The following MCOLN2 variants were observed in gnomAD, a reference collection of about 807,000 sequenced individuals.
MCOLN2 encodes mucolipin TRP cation channel 2.
A neutral mutation model predicts 67.5 loss-of-function variants in MCOLN2; 57 were observed. The ratio of observed to expected loss-of-function variants is 0.84; its 90% CI spans 0.68 to 1.05. MCOLN2 has a LOEUF of 1.05. MCOLN2 is among the 50% of genes least tolerant of loss of function. The pLI is 0.00. For synonymous variants in MCOLN2, 246 were observed against 233.3 expected, an observed-to-expected ratio of 1.05 and a Z score of -0.50; for missense variants, 620 against 678.8, an observed-to-expected ratio of 0.91 and a Z score of 0.96.
At chr1:84,957,319 C>T (rs1006251039) in intron 3 of MCOLN2, among the ~76,000 whole-genome samples, 3 of 152,132 alleles carry the variant, frequency 2.0e-5, no homozygotes, top group South Asian at 2.1e-4. Flanking sequence ...ATTAGCTTAC[C>T]TCAGCTTACA....
intron 1 of MCOLN2, among the ~76,000 whole-genome samples, chr1:84,992,759 A>AC (rs1553159452): frequency 0.24 from 36,269 of 151,726 alleles, 4,816 homozygotes; most frequent in East Asian, 0.36. Flanking sequence ...GTCTAAAAAA[A>AC]CCACCTTAAT....
chr1:84,926,633 T>G lies in MCOLN2; in HGVS notation c.*52A>C, dbSNP rs948812329. On this transcript the variant is annotated 3_prime_UTR_variant, in exon 14 of 14. Coordinates refer to ENST00000370608, the MANE Select transcript of MCOLN2 (RefSeq NM_153259.4). The stretch of plus-strand genomic sequence containing the variant: ...TTGTCCAAGTCATTTGGGGTTCCTC[T>G]GCTCAGCCGCTGGATAAGGATGCCT... The G allele has an allele frequency of 2.1e-6, 3 of 1,432,984 alleles. No homozygotes were observed. In the African/African-American group the frequency reaches 4.3e-5, roughly 20 times the overall value. 88.8% of individuals were successfully genotyped at this position (1,432,984 alleles called of 1,614,324 possible).
rs995238709 is a variant in MCOLN2 at position 84,937,506 on chromosome 1, C to T, written c.1335+249G>A. On this transcript the variant is annotated intron_variant, in intron 11 of 13. Transcript: ENST00000370608. ...TGATGATCACCGGGTAACCATGTGA[C>T]CCCTTAAGCCAGTCCCAGACAACTA... 3.5e-6 allele frequency: 3 copies of T among 863,210 alleles called. No individual in the cohort carries two copies. In the African/African-American group the frequency reaches 5.3e-5, roughly 15 times the overall value. The allele number at this position is 863,210 out of a possible 1,614,324, so 53.5% of individuals were successfully genotyped here.
chr1:84,968,266 T>G (rs1387243103), intron 1 of MCOLN2, among the ~76,000 whole-genome samples: 1 of 152,182 alleles, frequency 6.6e-6, no homozygotes, highest in Non-Finnish European at 1.5e-5. Flanking sequence ...ATAAGGCTCA[T>G]AAACCTTTGA....
chr1:84,978,929 G>C (rs1418232421), intron 1 of MCOLN2, among the ~76,000 whole-genome samples: 2 of 152,148 alleles, frequency 1.3e-5, no homozygotes, highest in African/African-American at 4.8e-5. Context: ...GCCAGTCCGA[G>C]TTCTAAAACT....
intron 1 of MCOLN2, among the ~76,000 whole-genome samples, chr1:84,983,477 C>T (rs1191887517): frequency 6.6e-6 from 1 of 151,558 alleles, no homozygotes; most frequent in Non-Finnish European, 1.5e-5. Context: ...CCACGTTGCC[C>T]AGACTGGTCT....
At chr1:84,941,911 T>C (rs1416228875) in intron 7 of MCOLN2, among the ~76,000 whole-genome samples, 6 of 152,166 alleles carry the variant, frequency 3.9e-5, no homozygotes, top group African/African-American at 1.4e-4. Flanking sequence ...GGGAAGGAGA[T>C]GAATCTAACC....
intron 7 of MCOLN2, 104 bp downstream of exon 7, chr1:84,946,929 T>G: frequency 1.6e-6 from 1 of 628,864 alleles, no homozygotes; most frequent in Admixed American, 2.6e-5. Context: ...GAGGCGGTTT[T>G]CTTCCTATTA....
At position 84,939,662 on chromosome 1, in the gene MCOLN2, A is replaced by T. The variant is rs772604468; in HGVS notation, c.1001T>A (p.Val334Glu). The T allele has an allele frequency of 6.2e-7, 1 of 1,614,128 alleles. No homozygotes were observed. Among genetic ancestry groups the T allele is most frequent in the East Asian group, 2.2e-5 (1 of 44,880 alleles). The change falls in exon 9 of 14, where the codon GTG (valine) becomes GAG (glutamate). Residue 334 changes from valine (V) to glutamate (E), a missense_variant. Physicochemically the swap from Val to Glu is moderately radical, Grantham distance 121. Coordinates refer to ENST00000370608, the MANE Select transcript of MCOLN2 (RefSeq NM_153259.4). ...NFFLEKYKRP[V>E]CDTDQWEFIN... Reference sequence around the variant, plus strand: ...GAACTCCCACTGGTCGGTGTCACACACAGGCCGCTTGTACTTCTCCAGGAA... The same window carrying T: ...GAACTCCCACTGGTCGGTGTCACACTCAGGCCGCTTGTACTTCTCCAGGAA...
chr1:84,961,005 G>C (rs1649061140), intron 2 of MCOLN2, among the ~76,000 whole-genome samples: 3 of 152,160 alleles, frequency 2.0e-5, no homozygotes, highest in Admixed American at 2.0e-4. Flanking sequence ...ACTGGGCTCT[G>C]CAAGGACAGG....
chr1:84,954,135 G>A (rs1421010234), intron 4 of MCOLN2, among the ~76,000 whole-genome samples: 1 of 152,228 alleles, frequency 6.6e-6, no homozygotes, highest in Non-Finnish European at 1.5e-5. Flanking sequence ...TGCCTAGCAT[G>A]TAGCTGGCAC....
rs756071013 is a variant in MCOLN2, at chr1:84,996,853, C to T, written c.20G>A (p.Arg7His). MARQPY[R>H]FPQARIPERG... ...CTCCGGAATCCTTGCCTGGGGAAAA[C>T]GATAAGGCTGCCGGGCCATGCCTCC... Residue 7 changes from arginine to histidine, a missense_variant, in exon 1 of 14, where the codon CGT becomes CAT. Coordinates refer to ENST00000370608, the MANE Select transcript of MCOLN2 (RefSeq NM_153259.4). The T allele has an allele frequency of 2.5e-6, 4 of 1,614,116 alleles. No individual in the cohort carries two copies. Among genetic ancestry groups the T allele is most frequent in the East Asian group, 2.2e-5 (1 of 44,866 alleles).
chr1:84,963,386 CTG>C (rs969336465), intron 2 of MCOLN2, among the ~76,000 whole-genome samples: 6 of 152,130 alleles, frequency 3.9e-5, no homozygotes, highest in Non-Finnish European at 7.3e-5. Flanking sequence ...ACTAAAGAGT[CTG>C]TGCTAGAGAG....
At chr1:84,974,724 G>C (rs1649912295) in intron 1 of MCOLN2, among the ~76,000 whole-genome samples, 1 of 152,060 alleles carries the variant, frequency 6.6e-6, no homozygotes, top group Non-Finnish European at 1.5e-5. Flanking sequence ...GGAGCAACAA[G>C]TGGGCTCCTG....
intron 2 of MCOLN2, 65 bp downstream of exon 2, chr1:84,965,484 A>C (rs985518240): frequency 6.5e-7 from 1 of 1,542,938 alleles, no homozygotes; most frequent in Non-Finnish European, 8.8e-7. Context: ...TCAAGTACAG[A>C]ACACATGAAA....
rs1661167353 is a variant in MCOLN2 at position 84,926,586 on chromosome 1, A to G, written c.*99T>C. ...CCTCTTTCCCACTCCACAATTAAAT[A>G]AGAGAGTCATTTTGGAACTGCTTGT... On this transcript the variant is annotated 3_prime_UTR_variant, in exon 14 of 14. Coordinates refer to ENST00000370608, the MANE Select transcript of MCOLN2 (RefSeq NM_153259.4). The G allele has an allele frequency of 5.0e-6, 4 of 801,692 alleles. No individual in the cohort carries two copies. The highest frequency in any genetic ancestry group is 7.8e-6 in the Non-Finnish European group (4 of 514,782). 49.7% of individuals were successfully genotyped at this position (801,692 alleles called of 1,614,324 possible). A position where few individuals can be genotyped will look rare whatever the true frequency, so the allele number is the denominator to read the frequency against.
chr1:84,932,049 CA>C (rs1647214814), intron 11 of MCOLN2, among the ~76,000 whole-genome samples: 3 of 151,816 alleles, frequency 2.0e-5, no homozygotes, highest in Non-Finnish European at 4.4e-5. Flanking sequence ...CACACACACA[CA>C]CACCCCTCCA....
intron 3 of MCOLN2, among the ~76,000 whole-genome samples, chr1:84,957,537 T>C (rs522195): frequency 0.35 from 53,810 of 151,984 alleles, 9,916 homozygotes; most frequent in African/African-American, 0.44. Context: ...GAAACTGCCT[T>C]CCCAATCCTC....
At chr1:84,981,544 A>C (rs1023962853) in intron 1 of MCOLN2, among the ~76,000 whole-genome samples, 6 of 152,206 alleles carry the variant, frequency 3.9e-5, no homozygotes, top group African/African-American at 1.2e-4. Context: ...AAGTAAAATA[A>C]GCCAGGCACA....
Sources: gnomAD v4.1 joint callset for allele counts (sites outside exome capture counted in the v4.1 genomes callset) on GRCh38, gnomAD v4.1.1 for gene constraint, MANE v1.5 for transcripts, NCBI Gene and HGNC (gene_info 2026-07-23, HGNC 2026-07-21) for gene names.